The following RNF180 variants were observed in gnomAD, a reference collection of about 807,000 sequenced individuals.
RNF180 encodes ring finger protein 180.
RNF180 carries 38 observed loss-of-function variants against 59.2 expected under a neutral mutation model. That is an observed-to-expected ratio of 0.64 (90% CI 0.50 to 0.84). The LOEUF is 0.84. Ranked by LOEUF, RNF180 falls within the 40% of genes least tolerant of loss-of-function variation. RNF180 has a pLI of 0.00. For synonymous variants in RNF180, 262 were observed against 240.3 expected (o/e 1.09, Z -0.84); for missense variants, 705 against 700.9 (o/e 1.01, Z -0.07).
At chr5:64,253,036 A>G (rs1431522865) in intron 5 of RNF180, among the ~76,000 whole-genome samples, 2 of 152,134 alleles carry the variant, frequency 1.3e-5, no homozygotes, top group Non-Finnish European at 2.9e-5. Flanking sequence ...GAGAATCCTG[A>G]AACTATTTAC....
At chr5:64,313,854 T>C (rs1743906946) in intron 5 of RNF180, among the ~76,000 whole-genome samples, 1 of 152,128 alleles carries the variant, frequency 6.6e-6, no homozygotes, top group Non-Finnish European at 1.5e-5. Context: ...ATTCTGACTG[T>C]TGTGAAATGG....
At chr5:64,177,143 G>C (rs902288808) in intron 1 of RNF180, among the ~76,000 whole-genome samples, 1 of 152,138 alleles carries the variant, frequency 6.6e-6, no homozygotes, top group African/African-American at 2.4e-5. Context: ...ATAGCTACAC[G>C]TGTCTGACTT....
intron 5 of RNF180, among the ~76,000 whole-genome samples, chr5:64,273,138 G>A (rs1741512752): frequency 6.6e-6 from 1 of 151,800 alleles, no homozygotes; most frequent in African/African-American, 2.4e-5. Flanking sequence ...TAATATATTA[G>A]CATGCTAAAA....
At chr5:64,343,136 AAAG>A (rs1745423522) in intron 7 of RNF180, among the ~76,000 whole-genome samples, 1 of 152,146 alleles carries the variant, frequency 6.6e-6, no homozygotes, top group African/African-American at 2.4e-5. Context: ...ACTCATCAAA[AAAG>A]AAAGTACAAA....
intron 5 of RNF180, among the ~76,000 whole-genome samples, chr5:64,296,688 A>G (rs1035764839): frequency 2.6e-5 from 4 of 151,706 alleles, no homozygotes; most frequent in Non-Finnish European, 4.4e-5. Context: ...ATTAAGAGTT[A>G]ATGAGTCAGA....
intron 5 of RNF180, among the ~76,000 whole-genome samples, chr5:64,269,729 A>G (rs532526749): frequency 6.6e-5 from 10 of 152,238 alleles, no homozygotes; most frequent in African/African-American, 2.2e-4. Context: ...TTATCTTCAA[A>G]CTTCAAAGTT....
chr5:64,195,874 A>G (rs922016692), intron 1 of RNF180, among the ~76,000 whole-genome samples: 1 of 152,188 alleles, frequency 6.6e-6, no homozygotes, highest in Non-Finnish European at 1.5e-5. Flanking sequence ...CACTCCCACC[A>G]TCTCAGATTG....
At chr5:64,323,691 G>A (rs1561261312) in intron 5 of RNF180, among the ~76,000 whole-genome samples, 1 of 152,148 alleles carries the variant, frequency 6.6e-6, no homozygotes, top group Non-Finnish European at 1.5e-5. Context: ...AGAAGGGATG[G>A]GGGAGGGTAG....
intron 5 of RNF180, among the ~76,000 whole-genome samples, chr5:64,260,556 T>A (rs1345615721): frequency 6.6e-6 from 1 of 152,222 alleles, no homozygotes; most frequent in East Asian, 1.9e-4. Context: ...TCTATTAATT[T>A]AGAATAACCA....
intron 1 of RNF180, among the ~76,000 whole-genome samples, chr5:64,179,735 T>C (rs1368862679): frequency 6.6e-6 from 1 of 152,204 alleles, no homozygotes; most frequent in Non-Finnish European, 1.5e-5. Context: ...ATGATATGTT[T>C]CCTTATTCAT....
chr5:64,223,861 G>A (rs61294320), intron 5 of RNF180, among the ~76,000 whole-genome samples: 3,702 of 152,200 alleles, frequency 0.024, 127 homozygotes, highest in African/African-American at 0.075. Flanking sequence ...GGAAGTAGAG[G>A]GGGGGAGACA....
intron 1 of RNF180, among the ~76,000 whole-genome samples, chr5:64,181,985 T>C (rs1750610703): frequency 7.5e-6 from 1 of 133,886 alleles, no homozygotes; most frequent in Non-Finnish European, 1.6e-5. Flanking sequence ...ACTGCTACTG[T>C]CTTTTTTTTT....
At chr5:64,237,328 G>A (rs189287516) in intron 5 of RNF180, among the ~76,000 whole-genome samples, 1 of 152,268 alleles carries the variant, frequency 6.6e-6, no homozygotes, top group East Asian at 1.9e-4. Context: ...GCCCGGCCAG[G>A]TGTCAGGCTT....
chr5:64,262,888 T>G (rs1032396411), intron 5 of RNF180, among the ~76,000 whole-genome samples: 1 of 152,190 alleles, frequency 6.6e-6, no homozygotes, highest in Non-Finnish European at 1.5e-5. Context: ...CAGTGATGTC[T>G]CTGCCTAACC....
chr5:64,366,352 A>T (rs925589564), intron 7 of RNF180, among the ~76,000 whole-genome samples: 2 of 151,500 alleles, frequency 1.3e-5, no homozygotes, highest in Non-Finnish European at 1.5e-5. Flanking sequence ...GATGGACTAC[A>T]CTTTGTAGGT....
intron 1 of RNF180, among the ~76,000 whole-genome samples, chr5:64,169,325 C>T (rs1371568039): frequency 2.0e-5 from 3 of 152,204 alleles, no homozygotes; most frequent in African/African-American, 7.2e-5. Flanking sequence ...TAACGCTACT[C>T]TCAGTTACTA....
chr5:64,318,615 T>A (rs925709896), intron 5 of RNF180, among the ~76,000 whole-genome samples: 1 of 152,182 alleles, frequency 6.6e-6, no homozygotes, highest in African/African-American at 2.4e-5. Context: ...CATACTTTTT[T>A]AGACAATTTT....
intron 7 of RNF180, among the ~76,000 whole-genome samples, chr5:64,339,252 C>A (rs540669881): frequency 6.6e-6 from 1 of 151,926 alleles, no homozygotes; most frequent in African/African-American, 2.4e-5. Flanking sequence ...TAAATCCTTT[C>A]TGTTACTGTC....
At chr5:64,319,119 A>G in intron 5 of RNF180, among the ~76,000 whole-genome samples, 1 of 151,674 alleles carries the variant, frequency 6.6e-6, no homozygotes, top group Non-Finnish European at 1.5e-5. Flanking sequence ...GAGAAAGTAT[A>G]TGGAAATTCT....
Sources: gnomAD v4.1 joint callset for allele counts (sites outside exome capture counted in the v4.1 genomes callset) on GRCh38, gnomAD v4.1.1 for gene constraint, MANE v1.5 for transcripts, NCBI Gene and HGNC (gene_info 2026-07-23, HGNC 2026-07-21) for gene names.